Variants in PTPN2 observed in about 807,000 individuals in gnomAD.
PTPN2 encodes protein tyrosine phosphatase non-receptor type 2.
A neutral mutation model predicts 57.3 loss-of-function variants in PTPN2; 19 were observed. The observed-to-expected ratio is 0.33, with a 90% confidence interval of 0.23 to 0.49. The LOEUF (loss-of-function observed/expected upper bound fraction) is 0.49. Among genes scored for constraint, PTPN2 ranks in the 20% least tolerant of loss-of-function variants. The pLI is 0.99. For synonymous variants in PTPN2, 153 were observed against 164.9 expected, an observed-to-expected ratio of 0.93 and a Z score of 0.55; for missense variants, 358 against 501.1, an observed-to-expected ratio of 0.71 and a Z score of 2.73.
At chr18:12,843,690 G>A (rs1415943987) in intron 2 of PTPN2, among the ~76,000 whole-genome samples, 1 of 152,174 alleles carries the variant, frequency 6.6e-6, no homozygotes, top group Non-Finnish European at 1.5e-5. Flanking sequence ...TTGCAGCCAG[G>A]GACGCTGTCA....
intron 1 of PTPN2, among the ~76,000 whole-genome samples, chr18:12,860,865 G>T (rs181892033): frequency 6.6e-6 from 1 of 152,070 alleles, no homozygotes; most frequent in Non-Finnish European, 1.5e-5. Flanking sequence ...GATCTCCCAG[G>T]AAACAGTGTT....
intron 8 of PTPN2, 66 bp from the exon 9 acceptor site, chr18:12,794,551 G>A (rs1413481483): frequency 4.5e-6 from 7 of 1,559,070 alleles, no homozygotes; most frequent in Admixed American, 3.8e-5. Flanking sequence ...CTCTAACACA[G>A]AGGACCTAGG....
At chr18:12,850,674 G>C (rs1003359454) in intron 2 of PTPN2, among the ~76,000 whole-genome samples, 1 of 151,680 alleles carries the variant, frequency 6.6e-6, no homozygotes, top group African/African-American at 2.4e-5. Flanking sequence ...TTATGGAAAT[G>C]TTTATCTTTT....
At chr18:12,791,031 A>C (rs897018353), downstream of PTPN2, among the ~76,000 whole-genome samples, 18 of 152,194 alleles carry the variant, frequency 1.2e-4, no homozygotes, top group African/African-American at 4.3e-4. Context: ...ACTTTTCTTA[A>C]CCCTTTAAGA....
At chr18:12,785,861 GA>G (rs1568066431) in intron 9 of PTPN2, 1 of 1,592,362 alleles carries the variant, frequency 6.3e-7, no homozygotes, top group East Asian at 2.2e-5. Context: ...CATAAAATAA[GA>G]AGTCATCTAT....
Position 12,859,244 on chromosome 18 carries a change from T to C in PTPN2, c.80A>G (p.Asn27Ser), listed in dbSNP as rs950185463. Reference protein sequence around the residue: ...RWQPLYLEIRNESHDYPHRVA... With the variant: ...RWQPLYLEIRSESHDYPHRVA... ...TCTATGAGGATAGTCATGGGACTCA[T>C]TTCGAATTTCCTTAAAATAACAAAA... is the stretch of plus-strand genomic sequence containing the variant. The change falls in exon 2 of 9, where the codon AAT (asparagine) becomes AGT (serine). Residue 27 changes from asparagine (N) to serine (S), a missense_variant. This residue lies in a region of PTPN2 where 62 missense variants were observed against 47.9 expected (regional missense o/e 1.29). Transcript: ENST00000309660. 1.3e-5 allele frequency: 21 copies of C among 1,609,232 alleles called. No homozygotes were observed. Among genetic ancestry groups the C allele is most frequent in the East Asian group, 2.2e-5 (1 of 44,848 alleles).
At chr18:12,795,023 TAAGC>T (rs2041119070) in intron 8 of PTPN2, among the ~76,000 whole-genome samples, 2 of 152,184 alleles carry the variant, frequency 1.3e-5, no homozygotes, top group African/African-American at 2.4e-5. Flanking sequence ...GACCTGAAAA[TAAGC>T]AAGGTACTTT....
intron 5 of PTPN2, among the ~76,000 whole-genome samples, chr18:12,825,462 G>C (rs1040419864): frequency 2.0e-5 from 3 of 152,136 alleles, no homozygotes; most frequent in African/African-American, 7.2e-5. Context: ...GGATCAGTGA[G>C]GGTGGGGAAC....
intron 1 of PTPN2, among the ~76,000 whole-genome samples, chr18:12,870,355 A>ATATATGTATATATATACATATATATATG (rs2044175723): frequency 2.1e-5 from 1 of 48,442 alleles, no homozygotes; most frequent in East Asian, 1.4e-3. Flanking sequence ...ATATATGTGT[A>ATATATGTATATATATACATATATATATG]TATATATGTG....
intron 1 of PTPN2, among the ~76,000 whole-genome samples, chr18:12,860,315 TA>T (rs1478083504): frequency 4.7e-5 from 7 of 150,440 alleles, no homozygotes; most frequent in Non-Finnish European, 1.0e-4. Context: ...ATACAAAAAT[TA>T]GGCTGTGCGC....
chr18:12,819,231 C>T lies in PTPN2; in HGVS notation c.496-1866G>A, dbSNP rs776448843. 15 of 1,446,164 alleles carry T rather than the reference C, an allele frequency of 1.0e-5. No individual in the cohort carries two copies. In the South Asian group the frequency reaches 1.9e-4, roughly 18 times the overall value. 89.6% of individuals were successfully genotyped at this position (1,446,164 alleles called of 1,614,324 possible). ...GTACATACTTTTAGTGACCTTTTAA[C>T]ATCCAGCATTAATAATTTCAAATAC... On this transcript the variant is annotated intron_variant, in intron 5 of 8. Transcript: ENST00000309660.
At chr18:12,830,888 A>T (rs1022020806) in intron 4 of PTPN2, 55 bp downstream of exon 4, 43 of 1,323,564 alleles carry the variant, frequency 3.2e-5, no homozygotes, top group Non-Finnish European at 4.5e-5. Flanking sequence ...GAAAATCTTT[A>T]TATGCTAATG....
intron 2 of PTPN2, among the ~76,000 whole-genome samples, chr18:12,851,435 C>A (rs1164507022): frequency 1.1e-4 from 1 of 8,904 alleles, no homozygotes; most frequent in African/African-American, 1.9e-4. Context: ...GCCGAGATTG[C>A]GCCACTGCAG....
chr18:12,785,942 T>G, intron 9 of PTPN2: 1 of 1,055,516 alleles, frequency 9.5e-7, no homozygotes, highest in East Asian at 2.4e-5. Flanking sequence ...AACAATGAAC[T>G]GAAAAGGTGA....
chr18:12,851,031 C>T (rs1437479001), intron 2 of PTPN2, among the ~76,000 whole-genome samples: 2 of 152,092 alleles, frequency 1.3e-5, no homozygotes, highest in African/African-American at 2.4e-5. Context: ...TGAGCCACAG[C>T]GCCCAGCCAG....
intron 5 of PTPN2, among the ~76,000 whole-genome samples, chr18:12,825,438 T>G (rs2042416732): frequency 6.6e-6 from 1 of 152,164 alleles, no homozygotes; most frequent in Non-Finnish European, 1.5e-5. Flanking sequence ...ACCTCCATTT[T>G]ACAGATGAGG....
chr18:12,817,831 G>C (rs1436768711), intron 5 of PTPN2, among the ~76,000 whole-genome samples: 1 of 152,126 alleles, frequency 6.6e-6, no homozygotes, highest in Non-Finnish European at 1.5e-5. Context: ...TCATGAATGG[G>C]CTATTTTTTT....
intron 4 of PTPN2, among the ~76,000 whole-genome samples, chr18:12,828,210 C>A (rs184322694): frequency 2.6e-5 from 4 of 152,318 alleles, no homozygotes; most frequent in Admixed American, 6.5e-5. Flanking sequence ...TGAACCATCA[C>A]TGACATGTAA....
At chr18:12,823,400 G>A (rs1598791924) in intron 5 of PTPN2, among the ~76,000 whole-genome samples, 3 of 152,158 alleles carry the variant, frequency 2.0e-5, no homozygotes, top group South Asian at 4.1e-4. Flanking sequence ...ATGGCCGGGC[G>A]TGTTGGCTCA....
Sources: gnomAD v4.1 joint callset for allele counts (sites outside exome capture counted in the v4.1 genomes callset) on GRCh38, gnomAD v4.1.1 for gene constraint, gnomAD v4.1.1 regional missense constraint, MANE v1.5 for transcripts, NCBI Gene and HGNC (gene_info 2026-07-23, HGNC 2026-07-21) for gene names.